The following KPNA6 variants were observed in gnomAD, a reference collection of about 807,000 sequenced individuals.
KPNA6 encodes the protein karyopherin subunit alpha 6, also known as importin subunit alpha-7.
A neutral mutation model predicts 72.0 loss-of-function variants in KPNA6; 9 were observed. The ratio of observed to expected loss-of-function variants is 0.13; its 90% CI spans 0.08 to 0.22. The LOEUF is 0.22. Ranked by LOEUF, KPNA6 falls within the 10% of genes least tolerant of loss-of-function variation. The pLI, the probability that KPNA6 is intolerant of heterozygous loss-of-function variation, is 1.00. For synonymous variants in KPNA6, 219 were observed against 242.1 expected (o/e 0.90, Z 0.89); for missense variants, 374 against 655.7 (o/e 0.57, Z 4.69).
chr1:32,136,153 A>G (rs924009658), intron 1 of KPNA6, among the ~76,000 whole-genome samples: 4 of 150,512 alleles, frequency 2.7e-5, no homozygotes, highest in Non-Finnish European at 5.9e-5. Flanking sequence ...AGTTGGCTGT[A>G]TATAAAATCC....
chr1:32,147,785 A>G (rs929166701), intron 1 of KPNA6, among the ~76,000 whole-genome samples: 5 of 144,674 alleles, frequency 3.5e-5, no homozygotes, highest in African/African-American at 1.0e-4. Context: ...TCGTCCTCCC[A>G]AGTAGCTGGG....
At position 32,156,959 on chromosome 1, in the gene KPNA6, A is replaced by T. The variant is rs368801372; in HGVS notation, c.231+14A>T. On this transcript the variant is annotated intron_variant, in intron 3 of 13. Transcript: ENST00000373625. ...TCTACCACTGGGGTAAGGCCCCTGC[A>T]TGTGCCTCAGGCTGACCTGGAAAAC... 2 of 1,597,532 alleles carry T rather than the reference A, an allele frequency of 1.3e-6. No individual in the cohort carries two copies. Among genetic ancestry groups the T allele is most frequent in the African/African-American group, 2.7e-5 (2 of 74,570 alleles).
Position 32,141,375 on chromosome 1 carries a change from C to CTTTTTTTT in KPNA6, c.5-13180_5-13173dup, listed in dbSNP as rs71006334. On this transcript the variant is annotated intron_variant, in intron 1 of 13. Transcript: ENST00000373625. Reference sequence around the variant, plus strand: ...AGGGCTTTTTTTTTTTAAGTTAATCCTTTTTTTTTTTTTTTTTTTTTTTTT... The same window carrying CTTTTTTTT: ...AGGGCTTTTTTTTTTTAAGTTAATCCTTTTTTTTTTTTTTTTTTTTTTTTTTTTTTTTT... 1.8e-3 allele frequency among the ~76,000 whole-genome samples: 98 copies of CTTTTTTTT among 54,458 alleles called. 21 individuals are homozygous for CTTTTTTTT. The highest frequency in any genetic ancestry group is 2.7e-3 in the Non-Finnish European group (67 of 25,158). 35.7% of individuals were successfully genotyped at this position (54,458 alleles called of 152,430 possible). A position where few individuals can be genotyped will look rare whatever the true frequency, so the allele number is the denominator to read the frequency against.
chr1:32,110,056 A>ATTTTTTTTT (rs750004100), intron 1 of KPNA6, among the ~76,000 whole-genome samples: 40 of 118,308 alleles, frequency 3.4e-4, no homozygotes, highest in African/African-American at 1.3e-3. Context: ...CTGGAATTGA[A>ATTTTTTTTT]TTTTTTTTTT....
chr1:32,124,905 C>T lies in KPNA6; in HGVS notation c.4+16771C>T, dbSNP rs189550987. Among the ~76,000 whole-genome samples the T allele has an allele frequency of 5.6e-4, 85 of 152,228 alleles. 2 individuals carry two copies. The East Asian group carries it at 0.012, about 21-fold the overall frequency. ...TGTCGCCCAGGCTGCAGTATAGTGG[C>T]GCAATCTCAGCTCACTGCAACCTCC... is the stretch of plus-strand genomic sequence containing the variant. On this transcript the variant is annotated intron_variant, in intron 1 of 13. Transcript: ENST00000373625.
At chr1:32,137,994 G>A (rs1294983300) in intron 1 of KPNA6, among the ~76,000 whole-genome samples, 2 of 151,612 alleles carry the variant, frequency 1.3e-5, no homozygotes, top group Non-Finnish European at 1.5e-5. Context: ...AATTAGCTGG[G>A]CATGGTGGTG....
intron 7 of KPNA6, among the ~76,000 whole-genome samples, chr1:32,161,197 C>G (rs1041398392): frequency 5.9e-5 from 9 of 152,022 alleles, no homozygotes; most frequent in Admixed American, 1.3e-4. Flanking sequence ...GGATCTTGTT[C>G]CTCACTTCAT....
chr1:32,143,479 AG>A (rs1641875441), intron 1 of KPNA6, among the ~76,000 whole-genome samples: 1 of 150,674 alleles, frequency 6.6e-6, no homozygotes, highest in African/African-American at 2.4e-5. Context: ...CCACTACTTG[AG>A]GAGAATCACT....
intron 1 of KPNA6, among the ~76,000 whole-genome samples, chr1:32,131,890 T>C (rs74494666): frequency 0.026 from 3,970 of 151,896 alleles, 180 homozygotes; most frequent in African/African-American, 0.09. Flanking sequence ...CAGGCAGGGA[T>C]ACTATACAAA....
rs1173832645 is a variant in KPNA6, at chr1:32,171,516, T to C, written c.*622T>C. On this transcript the variant is annotated 3_prime_UTR_variant, in exon 14 of 14. Coordinates refer to ENST00000373625, the MANE Select transcript of KPNA6 (RefSeq NM_012316.5). Reference sequence around the variant, plus strand: ...GCTCTTCCCAAGAGCCACAAGTTCCTGGTTTTAGTAAACCCAGCTGCCTGC... The same window carrying C: ...GCTCTTCCCAAGAGCCACAAGTTCCCGGTTTTAGTAAACCCAGCTGCCTGC... The C allele has an allele frequency of 6.6e-6, 1 of 152,274 alleles. No individual in the cohort carries two copies. The highest frequency in any genetic ancestry group is 1.5e-5 in the Non-Finnish European group (1 of 68,062). 9.4% of individuals were successfully genotyped at this position (152,274 alleles called of 1,614,324 possible). A position where few individuals can be genotyped will look rare whatever the true frequency, so the allele number is the denominator to read the frequency against.
At chr1:32,129,713 G>C (rs1399643308) in intron 1 of KPNA6, among the ~76,000 whole-genome samples, 1 of 152,038 alleles carries the variant, frequency 6.6e-6, no homozygotes, top group African/African-American at 2.4e-5. Context: ...GCACCACCAT[G>C]CACAGCCAAT....
At chr1:32,114,663 C>A (rs952653215) in intron 1 of KPNA6, among the ~76,000 whole-genome samples, 4 of 152,080 alleles carry the variant, frequency 2.6e-5, no homozygotes, top group African/African-American at 9.7e-5. Flanking sequence ...TCATTTGAAG[C>A]TTTGAAGCCA....
intron 1 of KPNA6, among the ~76,000 whole-genome samples, chr1:32,123,461 C>CTCACCAT (rs1641474329): frequency 6.6e-6 from 1 of 152,008 alleles, no homozygotes; most frequent in Non-Finnish European, 1.5e-5. Context: ...CTAAACAGGG[C>CTCACCAT]GGGGCATGGT....
chr1:32,123,342 CAT>C (rs1219338677), intron 1 of KPNA6, among the ~76,000 whole-genome samples: 1 of 152,004 alleles, frequency 6.6e-6, no homozygotes, highest in Non-Finnish European at 1.5e-5. Flanking sequence ...TGCCCTATGA[CAT>C]ATTAACACTG....
chr1:32,155,110 C>CAAAAAAAAAAAAAAAAAAAAA (rs144040035), intron 2 of KPNA6, among the ~76,000 whole-genome samples: 1 of 54,228 alleles, frequency 1.8e-5, no homozygotes, highest in Non-Finnish European at 3.3e-5. Context: ...AACTCCATCT[C>CAAAAAAAAAAAAAAAAAAAAA]AAAAAAAAAA....
chr1:32,158,221 G>A, intron 4 of KPNA6, 46 bp from the exon 5 acceptor site: 1 of 1,337,866 alleles, frequency 7.5e-7, no homozygotes. Context: ...GAAGGGATCA[G>A]CAAAAGCTTC....
intron 4 of KPNA6, 59 bp downstream of exon 4, chr1:32,157,504 C>T (rs1642165006): frequency 8.1e-7 from 1 of 1,239,470 alleles, no homozygotes; most frequent in Non-Finnish European, 1.2e-6. Flanking sequence ...TTTCTCTTCA[C>T]TGATGTCATC....
chr1:32,171,161 CAT>C lies in KPNA6; in HGVS notation c.*268_*269del, dbSNP rs1392581789. ...CCTTACACTATATTTTGGCTGCACA[CAT>C]GTCTTTAACCCAGGAGCCCAGGGGT... On this transcript the variant is annotated 3_prime_UTR_variant, in exon 14 of 14. Transcript: ENST00000373625. 4 of 436,194 alleles carry C rather than the reference CAT, an allele frequency of 9.2e-6. No individual in the cohort carries two copies. Among genetic ancestry groups the C allele is most frequent in the Middle Eastern group, 6.1e-4 (1 of 1,640 alleles). 27.0% of individuals were successfully genotyped at this position (436,194 alleles called of 1,614,324 possible).
chr1:32,119,032 A>ATATATATATTT (rs1167325052), intron 1 of KPNA6, among the ~76,000 whole-genome samples: 1 of 40,280 alleles, frequency 2.5e-5, no homozygotes, highest in Non-Finnish European at 4.1e-5. Context: ...ATATATATAT[A>ATATATATATTT]TTTTTTTTTT....
Sources: gnomAD v4.1 joint callset for allele counts (sites outside exome capture counted in the v4.1 genomes callset) on GRCh38, gnomAD v4.1.1 for gene constraint, MANE v1.5 for transcripts, NCBI Gene and HGNC (gene_info 2026-07-23, HGNC 2026-07-21) for gene names.